The following PRKG1 variants were observed in gnomAD, a reference collection of about 807,000 sequenced individuals.
PRKG1 encodes the protein cGMP-dependent protein kinase 1.
A neutral mutation model predicts 88.1 loss-of-function variants in PRKG1; 35 were observed. That is an observed-to-expected ratio of 0.40 (90% CI 0.30 to 0.53). The LOEUF is 0.53. Ranked by LOEUF, PRKG1 falls within the 20% of genes least tolerant of loss-of-function variation. The probability of loss-of-function intolerance (pLI) is 0.59; values close to 1 mark genes in which losing one functional copy is unlikely to be tolerated. For missense variants in PRKG1, 540 were observed against 839.8 expected (o/e 0.64, Z 4.41); for synonymous variants, 303 against 292.5 (o/e 1.04, Z -0.37).
intron 2 of PRKG1, among the ~76,000 whole-genome samples, chr10:51,218,493 A>T (rs1354166607): frequency 1.5e-5 from 1 of 65,136 alleles, no homozygotes; most frequent in African/African-American, 9.0e-5. Flanking sequence ...CTATCTTCAT[A>T]TATATATATA....
intron 7 of PRKG1, among the ~76,000 whole-genome samples, chr10:52,068,119 C>A (rs1296641626): frequency 7.7e-6 from 1 of 129,330 alleles, no homozygotes; most frequent in Non-Finnish European, 1.7e-5. Context: ...AGGAGAATGG[C>A]GTGAACCCGG....
In PRKG1 at chr10:52,275,148, G is replaced by A. The variant is rs562533658; in HGVS notation, c.1403+2667G>A. ...CTGTGGGTTGTCTGTTTACTCTGTT[G>A]ACTGTTCCTTTCGCCATGCAAAAGC... is the stretch of plus-strand genomic sequence containing the variant. On this transcript the variant is annotated intron_variant, in intron 12 of 17. Coordinates refer to ENST00000373980, the MANE Select transcript of PRKG1 (RefSeq NM_006258.4). Among the ~76,000 whole-genome samples, 63 of 152,176 alleles carry A rather than the reference G, an allele frequency of 4.1e-4. No individual in the cohort carries two copies. The Middle Eastern group carries it at 0.01, about 25-fold the overall frequency.
At chr10:51,138,685 T>TG (rs1034364942) in intron 1 of PRKG1, among the ~76,000 whole-genome samples, 20 of 128,266 alleles carry the variant, frequency 1.6e-4, no homozygotes, top group African/African-American at 4.9e-4. Flanking sequence ...GTTTTTTTTT[T>TG]TTTTTTTTTT....
chr10:51,546,460 ATG>A lies in PRKG1; in HGVS notation c.592+78634_592+78635del, dbSNP rs1407051479. ...GTACGTAATACTTTTAATTCTAAAT[ATG>A]TGTGTGTGTCCTGTAAACTTGCTTG... On this transcript the variant is annotated intron_variant, in intron 3 of 17. Coordinates refer to ENST00000373980, the MANE Select transcript of PRKG1 (RefSeq NM_006258.4). Among the ~76,000 whole-genome samples the A allele has an allele frequency of 3.3e-5, 5 of 152,166 alleles. No individual in the cohort carries two copies. The East Asian group carries it at 9.7e-4, about 29-fold the overall frequency.
intron 3 of PRKG1, among the ~76,000 whole-genome samples, chr10:51,518,112 C>G (rs1841639236): frequency 6.6e-6 from 1 of 152,192 alleles, no homozygotes; most frequent in South Asian, 2.1e-4. Context: ...ATTCTCCTGT[C>G]TCAGCCTCCC....
chr10:52,091,787 G>A (rs1352924550), intron 7 of PRKG1, among the ~76,000 whole-genome samples: 3 of 152,182 alleles, frequency 2.0e-5, no homozygotes, highest in South Asian at 2.1e-4. Context: ...TGAAATCAAA[G>A]CATGCATTAA....
intron 1 of PRKG1, among the ~76,000 whole-genome samples, chr10:51,026,362 T>A (rs1447043192): frequency 6.6e-6 from 1 of 152,190 alleles, no homozygotes; most frequent in Non-Finnish European, 1.5e-5. Context: ...GACTGCCAGA[T>A]AAATTCTTTT....
chr10:51,281,835 G>A (rs1030938314), intron 2 of PRKG1, among the ~76,000 whole-genome samples: 2 of 152,102 alleles, frequency 1.3e-5, no homozygotes, highest in African/African-American at 4.8e-5. Context: ...GCTTTCTCCT[G>A]AGGGAAGGGG....
intron 3 of PRKG1, among the ~76,000 whole-genome samples, chr10:51,538,317 T>C (rs910365524): frequency 1.9e-5 from 2 of 102,844 alleles, no homozygotes; most frequent in African/African-American, 3.3e-5. Flanking sequence ...CTGAAAATTA[T>C]TAATATATAA....
chr10:51,933,620 GT>G (rs138778878), intron 5 of PRKG1, among the ~76,000 whole-genome samples: 145 of 145,702 alleles, frequency 1.0e-3, no homozygotes, highest in African/African-American at 2.5e-3. Flanking sequence ...TTTTAGCCAA[GT>G]TTTTTTTTTT....
At chr10:52,288,175 C>A (rs892646834) in intron 14 of PRKG1, among the ~76,000 whole-genome samples, 3 of 152,056 alleles carry the variant, frequency 2.0e-5, no homozygotes, top group Non-Finnish European at 4.4e-5. Flanking sequence ...AACACTTATA[C>A]TGAAACTTGA....
chr10:52,004,370 T>G (rs1368084328), intron 5 of PRKG1, among the ~76,000 whole-genome samples: 1 of 152,166 alleles, frequency 6.6e-6, no homozygotes, highest in Non-Finnish European at 1.5e-5. Flanking sequence ...GATAAACAGG[T>G]AGAAATTCCT....
chr10:52,036,971 G>T (rs868201060), intron 5 of PRKG1, among the ~76,000 whole-genome samples: 2 of 152,202 alleles, frequency 1.3e-5, no homozygotes, highest in East Asian at 1.9e-4. Flanking sequence ...GAGAGTTACC[G>T]GAAGCTCGGC....
In PRKG1 at chr10:52,296,441, A is replaced by G. The variant is rs537136977; in HGVS notation, c.*2541A>G. The G allele has an allele frequency of 6.6e-6, 1 of 152,202 alleles. No homozygotes were observed. Among genetic ancestry groups the G allele is most frequent in the Admixed American group, 6.5e-5 (1 of 15,274 alleles). 9.4% of individuals were successfully genotyped at this position (152,202 alleles called of 1,614,324 possible). A position where few individuals can be genotyped will look rare whatever the true frequency, so the allele number is the denominator to read the frequency against. The stretch of plus-strand genomic sequence containing the variant: ...TACATCTTCCAAGATGTACCAACAG[A>G]AAACATTCGTCTAATTTTGTCAACA... On this transcript the variant is annotated 3_prime_UTR_variant, in exon 18 of 18. Coordinates refer to ENST00000373980, the MANE Select transcript of PRKG1 (RefSeq NM_006258.4).
intron 3 of PRKG1, among the ~76,000 whole-genome samples, chr10:51,567,097 G>T (rs1837626486): frequency 6.6e-6 from 1 of 151,962 alleles, no homozygotes; most frequent in South Asian, 2.1e-4. Context: ...AATAAAGCTG[G>T]AAAAATTAGA....
chr10:51,542,276 A>G (rs1371726280), intron 3 of PRKG1, among the ~76,000 whole-genome samples: 1 of 152,214 alleles, frequency 6.6e-6, no homozygotes, highest in Admixed American at 6.5e-5. Flanking sequence ...CAGAAAAAAC[A>G]TAACAGCAAC....
At chr10:51,655,406 T>A (rs553596280) in intron 3 of PRKG1, among the ~76,000 whole-genome samples, 1 of 152,276 alleles carries the variant, frequency 6.6e-6, no homozygotes, top group East Asian at 1.9e-4. Context: ...GGTAGGATAC[T>A]TTTCAGGTTA....
intron 10 of PRKG1, among the ~76,000 whole-genome samples, chr10:52,259,678 C>T (rs927132067): frequency 2.6e-5 from 4 of 152,060 alleles, no homozygotes; most frequent in African/African-American, 7.2e-5. Flanking sequence ...CTGCCTTTCA[C>T]GTTCACACTG....
At chr10:51,295,384 G>A (rs1247022770) in intron 2 of PRKG1, among the ~76,000 whole-genome samples, 1 of 151,650 alleles carries the variant, frequency 6.6e-6, no homozygotes, top group African/African-American at 2.4e-5. Flanking sequence ...TATTCTTTTT[G>A]TTACTATTAT....
Sources: gnomAD v4.1 joint callset for allele counts (sites outside exome capture counted in the v4.1 genomes callset) on GRCh38, gnomAD v4.1.1 for gene constraint, MANE v1.5 for transcripts, NCBI Gene and HGNC (gene_info 2026-07-23, HGNC 2026-07-21) for gene names.